Variants in SFT2D3 observed in about 807,000 individuals in gnomAD.
SFT2D3 encodes the protein vesicle transport protein SFT2C.
For synonymous variants in SFT2D3, 239 were observed against 191.2 expected, an observed-to-expected ratio of 1.25 and a Z score of -2.06; for missense variants, 405 against 334.6, an observed-to-expected ratio of 1.21 and a Z score of -1.64.
Position 127,702,903 on chromosome 2 carries a change from A to C in SFT2D3, c.*727A>C, listed in dbSNP as rs983788706. On this transcript the variant is annotated 3_prime_UTR_variant, in exon 1 of 1. Coordinates refer to ENST00000310981, the MANE Select transcript of SFT2D3 (RefSeq NM_032740.4). The stretch of plus-strand genomic sequence containing the variant: ...TCTCTTCGGAAATCCTGCAAATAGA[A>C]AGATAATTCTAGATCCGGAATACCT... The C allele has an allele frequency of 1.2e-5, 2 of 166,574 alleles. No homozygotes were observed. Among genetic ancestry groups the C allele is most frequent in the African/African-American group, 4.8e-5 (2 of 41,418 alleles). The allele number at this position is 166,574 out of a possible 1,614,324, so 10.3% of individuals were successfully genotyped here.
rs191676235 is a variant in SFT2D3, at chr2:127,703,294, T to G, written c.*1118T>G. On this transcript the variant is annotated 3_prime_UTR_variant, in exon 1 of 1. Transcript: ENST00000310981. ...GAACCTGGGAAGTAGGTCCCAGACATCAGGACCTTTTTAAAGCTCCCCAAG... is the reference window on the plus strand; with the variant it reads ...GAACCTGGGAAGTAGGTCCCAGACAGCAGGACCTTTTTAAAGCTCCCCAAG... 12 of 167,200 alleles carry G rather than the reference T, an allele frequency of 7.2e-5. 1 individual carries two copies. The Admixed American group carries it at 7.2e-4, about 10-fold the overall frequency. 10.4% of individuals were successfully genotyped at this position (167,200 alleles called of 1,614,324 possible). A position where few individuals can be genotyped will look rare whatever the true frequency, so the allele number is the denominator to read the frequency against.
Position 127,702,238 on chromosome 2 carries a change from G to T in SFT2D3, c.*62G>T. On this transcript the variant is annotated 3_prime_UTR_variant, in exon 1 of 1. Coordinates refer to ENST00000310981, the MANE Select transcript of SFT2D3 (RefSeq NM_032740.4). ...GCCAGCGCCGTCGGAGACCGCGCCGGCCGAGCTGAGGACTGCACGCCGCTG... is the reference window on the plus strand; with the variant it reads ...GCCAGCGCCGTCGGAGACCGCGCCGTCCGAGCTGAGGACTGCACGCCGCTG... The T allele has an allele frequency of 8.4e-7, 1 of 1,183,656 alleles. No homozygotes were observed. The highest frequency in any genetic ancestry group is 3.8e-5 in the East Asian group (1 of 26,590). The allele number at this position is 1,183,656 out of a possible 1,614,324, so 73.3% of individuals were successfully genotyped here. A position where few individuals can be genotyped will look rare whatever the true frequency, so the allele number is the denominator to read the frequency against.
Position 127,701,800 on chromosome 2 carries a change from T to G in SFT2D3, c.272T>G (p.Phe91Cys). The G allele has an allele frequency of 2.1e-6, 3 of 1,454,510 alleles. No individual in the cohort carries two copies. Among genetic ancestry groups the G allele is most frequent in the Non-Finnish European group, 2.7e-6 (3 of 1,107,208 alleles). The allele number at this position is 1,454,510 out of a possible 1,614,324, so 90.1% of individuals were successfully genotyped here. A position where few individuals can be genotyped will look rare whatever the true frequency, so the allele number is the denominator to read the frequency against. The change falls in exon 1 of 1, where the codon TTC (phenylalanine) becomes TGC (cysteine). Residue 91 changes from phenylalanine to cysteine, a missense_variant. By Grantham distance (205) the Phe-to-Cys change is radical. Coordinates refer to ENST00000310981, the MANE Select transcript of SFT2D3 (RefSeq NM_032740.4). ...GGCLLLAALC[F>C]GLAALYAPVL... ...TGCCTGCTGCTGGCTGCACTGTGTT[T>G]CGGCCTAGCCGCGCTCTACGCACCG...
rs751333821 is a variant in SFT2D3, at chr2:127,703,627, A to G, written c.*1451A>G. On this transcript the variant is annotated 3_prime_UTR_variant, in exon 1 of 1. Coordinates refer to ENST00000310981, the MANE Select transcript of SFT2D3 (RefSeq NM_032740.4). ...ATCAGTAAACAAGGTTACCTACCTCAGGAGGCTGCTTGTGAGAGAGCAAAT... is the reference window on the plus strand; with the variant it reads ...ATCAGTAAACAAGGTTACCTACCTCGGGAGGCTGCTTGTGAGAGAGCAAAT... 5 of 167,100 alleles carry G rather than the reference A, an allele frequency of 3.0e-5. No individual in the cohort carries two copies. Among genetic ancestry groups the G allele is most frequent in the Non-Finnish European group, 5.9e-5 (4 of 68,124 alleles). 10.4% of individuals were successfully genotyped at this position (167,100 alleles called of 1,614,324 possible). A position where few individuals can be genotyped will look rare whatever the true frequency, so the allele number is the denominator to read the frequency against.
At position 127,701,899 on chromosome 2, in the gene SFT2D3, C is replaced by A. The variant is rs147371476; in HGVS notation, c.371C>A (p.Ala124Glu). 0.035 allele frequency: 51,070 copies of A among 1,455,276 alleles called. 1,069 individuals carry two copies. The highest frequency in any genetic ancestry group is 0.066 in the Middle Eastern group (277 of 4,190). The allele number at this position is 1,455,276 out of a possible 1,614,324, so 90.1% of individuals were successfully genotyped here. Residue 124 changes from alanine (A) to glutamate (E), a missense_variant, in exon 1 of 1, where the codon GCG becomes GAG. By Grantham distance (107) the Ala-to-Glu change is moderately radical. Coordinates refer to ENST00000310981, the MANE Select transcript of SFT2D3 (RefSeq NM_032740.4). ...TCGGCGCTGGCGTTGGCGGGAAGCG[C>A]GCTGCTGCGGGGCGGCGCGGCGTGC... Reference protein sequence around the residue: ...LGSALALAGSALLRGGAACGR... With the variant: ...LGSALALAGSELLRGGAACGR...
At position 127,701,700 on chromosome 2, in the gene SFT2D3, G is replaced by C; in HGVS notation, c.172G>C (p.Ala58Pro). Residue 58 changes from alanine (A) to proline (P), a missense_variant, in exon 1 of 1, where the codon GCG (alanine) becomes CCG (proline). Coordinates refer to ENST00000310981, the MANE Select transcript of SFT2D3 (RefSeq NM_032740.4). ...GLRWTWARSP[A>P]ESAAAGLTCL... ...GCGCTGGACGTGGGCGCGGAGCCCT[G>C]CGGAGTCGGCAGCGGCCGGCCTGAC... The C allele has an allele frequency of 1.5e-6, 2 of 1,322,800 alleles. No homozygotes were observed. The highest frequency in any genetic ancestry group is 1.9e-6 in the Non-Finnish European group (2 of 1,041,408). The allele number at this position is 1,322,800 out of a possible 1,614,324, so 81.9% of individuals were successfully genotyped here.
At position 127,703,560 on chromosome 2, in the gene SFT2D3, T is replaced by C. The variant is rs2105365692; in HGVS notation, c.*1384T>C. The C allele has an allele frequency of 6.0e-6, 1 of 167,230 alleles. No individual in the cohort carries two copies. Among genetic ancestry groups the C allele is most frequent in the South Asian group, 2.1e-4 (1 of 4,824 alleles). 10.4% of individuals were successfully genotyped at this position (167,230 alleles called of 1,614,324 possible). ...ACATCCACACTGTAGGCTTGCAGGC[T>C]ACCCGCCCTGAGATTTGGTAAAGAA... is the stretch of plus-strand genomic sequence containing the variant. On this transcript the variant is annotated 3_prime_UTR_variant, in exon 1 of 1. Transcript: ENST00000310981.
chr2:127,704,286 ATC>A lies in SFT2D3; in HGVS notation c.*2112_*2113del, dbSNP rs1223163355. 6.0e-6 allele frequency: 1 copy of A among 166,850 alleles called. No homozygotes were observed. Among genetic ancestry groups the A allele is most frequent in the African/African-American group, 2.4e-5 (1 of 41,340 alleles). 10.3% of individuals were successfully genotyped at this position (166,850 alleles called of 1,614,324 possible). A position where few individuals can be genotyped will look rare whatever the true frequency, so the allele number is the denominator to read the frequency against. ...TAAATGAATTCACTCTCAAAATGTG[ATC>A]TGTCAAGTCCAGTAGAGCTTCAAGG... On this transcript the variant is annotated 3_prime_UTR_variant, in exon 1 of 1. Coordinates refer to ENST00000310981, the MANE Select transcript of SFT2D3 (RefSeq NM_032740.4).
In SFT2D3 at chr2:127,702,006, G is replaced by T; in HGVS notation, c.478G>T (p.Ala160Ser). Residue 160 changes from alanine to serine, a missense_variant, in exon 1 of 1, where the codon GCG becomes TCG. Physicochemically the swap from Ala to Ser is moderately conservative, Grantham distance 99. Transcript: ENST00000310981. ...AGCGCTGGGCGCCACGCTGTTCGCC[G>T]CGCTGGGCCTTCGCAGCACGCTGCT... ...MAALGATLFA[A>S]LGLRSTLLTV... The T allele has an allele frequency of 1.1e-5, 15 of 1,310,984 alleles. No homozygotes were observed. The highest frequency in any genetic ancestry group is 1.5e-5 in the Non-Finnish European group (15 of 1,033,150). 81.2% of individuals were successfully genotyped at this position (1,310,984 alleles called of 1,614,324 possible).
At position 127,703,007 on chromosome 2, in the gene SFT2D3, A is replaced by G. The variant is rs370070374; in HGVS notation, c.*831A>G. The G allele has an allele frequency of 6.2e-4, 104 of 167,202 alleles. 1 individual carries two copies. The South Asian group carries it at 0.015, about 24-fold the overall frequency. The allele number at this position is 167,202 out of a possible 1,614,324, so 10.4% of individuals were successfully genotyped here. A position where few individuals can be genotyped will look rare whatever the true frequency, so the allele number is the denominator to read the frequency against. On this transcript the variant is annotated 3_prime_UTR_variant, in exon 1 of 1. Coordinates refer to ENST00000310981, the MANE Select transcript of SFT2D3 (RefSeq NM_032740.4). The stretch of plus-strand genomic sequence containing the variant: ...AGCCTGCTTTGTAAACTAGTTTACA[A>G]TTTGCAGGCTGATCTTAAGATTTTT...
rs1685928494 is a variant in SFT2D3 at position 127,702,900 on chromosome 2, A to G, written c.*724A>G. 6.0e-6 allele frequency: 1 copy of G among 166,584 alleles called. No individual in the cohort carries two copies. The highest frequency in any genetic ancestry group is 2.1e-4 in the South Asian group (1 of 4,794). The allele number at this position is 166,584 out of a possible 1,614,324, so 10.3% of individuals were successfully genotyped here. A position where few individuals can be genotyped will look rare whatever the true frequency, so the allele number is the denominator to read the frequency against. ...CGGTCTCTTCGGAAATCCTGCAAAT[A>G]GAAAGATAATTCTAGATCCGGAATA... is the stretch of plus-strand genomic sequence containing the variant. On this transcript the variant is annotated 3_prime_UTR_variant, in exon 1 of 1. Coordinates refer to ENST00000310981, the MANE Select transcript of SFT2D3 (RefSeq NM_032740.4).
rs1685910655 is a variant in SFT2D3 at position 127,702,245 on chromosome 2, T to G, written c.*69T>G. 1 of 1,174,080 alleles carries G rather than the reference T, an allele frequency of 8.5e-7. No individual in the cohort carries two copies. The highest frequency in any genetic ancestry group is 4.6e-5 in the Admixed American group (1 of 21,636). 72.7% of individuals were successfully genotyped at this position (1,174,080 alleles called of 1,614,324 possible). A position where few individuals can be genotyped will look rare whatever the true frequency, so the allele number is the denominator to read the frequency against. On this transcript the variant is annotated 3_prime_UTR_variant, in exon 1 of 1. Coordinates refer to ENST00000310981, the MANE Select transcript of SFT2D3 (RefSeq NM_032740.4). ...CCGTCGGAGACCGCGCCGGCCGAGC[T>G]GAGGACTGCACGCCGCTGTGCGGAA...
At position 127,701,521 on chromosome 2, in the gene SFT2D3, TGTCCAAGA is replaced by T; in HGVS notation, c.-7_1del. ...CAGCTTTTCCTTTCTGCCACCGCCT[TGTCCAAGA>T]TGGCGGACCTCCACCGCCAGCTGCA... On this transcript the variant is annotated start_lost and 5_prime_UTR_variant, in exon 1 of 1. Coordinates refer to ENST00000310981, the MANE Select transcript of SFT2D3 (RefSeq NM_032740.4). 1.5e-6 allele frequency: 2 copies of T among 1,305,824 alleles called. No homozygotes were observed. The highest frequency in any genetic ancestry group is 2.0e-6 in the Non-Finnish European group (2 of 1,023,948). 80.9% of individuals were successfully genotyped at this position (1,305,824 alleles called of 1,614,324 possible).
At position 127,701,826 on chromosome 2, in the gene SFT2D3, G is replaced by C; in HGVS notation, c.298G>C (p.Val100Leu). The change falls in exon 1 of 1, where the codon GTG becomes CTG. Residue 100 changes from valine (V) to leucine (L), a missense_variant. Physicochemically the swap from Val to Leu is conservative, Grantham distance 32. Coordinates refer to ENST00000310981, the MANE Select transcript of SFT2D3 (RefSeq NM_032740.4). ...CGGCCTAGCCGCGCTCTACGCACCG[G>C]TGTTGCTGCTGCGCGCGCGCAAGTT... Reference protein sequence around the residue: ...CFGLAALYAPVLLLRARKFAL... With the variant: ...CFGLAALYAPLLLLRARKFAL... 1 of 1,458,138 alleles carries C rather than the reference G, an allele frequency of 6.9e-7. No individual in the cohort carries two copies. The highest frequency in any genetic ancestry group is 1.5e-5 in the African/African-American group (1 of 67,818). 90.3% of individuals were successfully genotyped at this position (1,458,138 alleles called of 1,614,324 possible). A position where few individuals can be genotyped will look rare whatever the true frequency, so the allele number is the denominator to read the frequency against.
At position 127,701,778 on chromosome 2, in the gene SFT2D3, C is replaced by T. The variant is rs1319667260; in HGVS notation, c.250C>T (p.Leu84=). Residue 84 remains leucine, a synonymous_variant, in exon 1 of 1, where the codon CTG becomes TTG. Transcript: ENST00000310981. ...GQRLAAGGGC[L]LLAALCFGLA... ...GCGGCTGGCGGCGGGCGGCGGGTGC[C>T]TGCTGCTGGCTGCACTGTGTTTCGG... is the stretch of plus-strand genomic sequence containing the variant. 3.6e-5 allele frequency: 51 copies of T among 1,434,844 alleles called. No homozygotes were observed. The highest frequency in any genetic ancestry group is 4.6e-5 in the Non-Finnish European group (50 of 1,094,790). 88.9% of individuals were successfully genotyped at this position (1,434,844 alleles called of 1,614,324 possible).
rs1432565448 is a variant in SFT2D3 at position 127,703,224 on chromosome 2, G to C, written c.*1048G>C. 6.0e-6 allele frequency: 1 copy of C among 166,996 alleles called. No homozygotes were observed. The highest frequency in any genetic ancestry group is 6.5e-5 in the Admixed American group (1 of 15,276). The allele number at this position is 166,996 out of a possible 1,614,324, so 10.3% of individuals were successfully genotyped here. On this transcript the variant is annotated 3_prime_UTR_variant, in exon 1 of 1. Transcript: ENST00000310981. ...GTGCCAGTGGTCCTCGCGCTTGACT[G>C]CACATCAGTTACTTGAAGAGCCACA...
rs1487492331 is a variant in SFT2D3, at chr2:127,703,384, AAT to A, written c.*1209_*1210del. ...GCATTGGCTTGCACAATTTGAAAGT[AAT>A]GCTTTTCCTGAGCTGGATCCCAGTG... On this transcript the variant is annotated 3_prime_UTR_variant, in exon 1 of 1. Transcript: ENST00000310981. 4 of 167,082 alleles carry A rather than the reference AAT, an allele frequency of 2.4e-5. No homozygotes were observed. Among genetic ancestry groups the A allele is most frequent in the Admixed American group, 1.3e-4 (2 of 15,286 alleles). 10.3% of individuals were successfully genotyped at this position (167,082 alleles called of 1,614,324 possible).
rs1369748908 is a variant in SFT2D3 at position 127,702,833 on chromosome 2, C to G, written c.*657C>G. The G allele has an allele frequency of 6.0e-6, 1 of 166,724 alleles. No individual in the cohort carries two copies. 10.3% of individuals were successfully genotyped at this position (166,724 alleles called of 1,614,324 possible). A position where few individuals can be genotyped will look rare whatever the true frequency, so the allele number is the denominator to read the frequency against. On this transcript the variant is annotated 3_prime_UTR_variant, in exon 1 of 1. Coordinates refer to ENST00000310981, the MANE Select transcript of SFT2D3 (RefSeq NM_032740.4). ...GACGGACCAAAAGAAATTTCCTGCC[C>G]CAAGAAGCATGGGATCCAGGAAGGG...
In SFT2D3 at chr2:127,701,554, A is replaced by C. The variant is rs777910385; in HGVS notation, c.26A>C (p.Gln9Pro). ...ATGGCGGACCTCCACCGCCAGCTGC[A>C]GGAGTACCTGGCGCAGGGGAAAGCT... is the stretch of plus-strand genomic sequence containing the variant. The part of the protein sequence containing the change: MADLHRQL[Q>P]EYLAQGKAGG... Residue 9 changes from glutamine (Q) to proline (P), a missense_variant, in exon 1 of 1, where the codon CAG (glutamine) becomes CCG (proline). Coordinates refer to ENST00000310981, the MANE Select transcript of SFT2D3 (RefSeq NM_032740.4). 5.9e-6 allele frequency: 8 copies of C among 1,365,168 alleles called. No individual in the cohort carries two copies. The highest frequency in any genetic ancestry group is 7.6e-6 in the Non-Finnish European group (8 of 1,058,018). 84.6% of individuals were successfully genotyped at this position (1,365,168 alleles called of 1,614,324 possible). A position where few individuals can be genotyped will look rare whatever the true frequency, so the allele number is the denominator to read the frequency against.
Sources: gnomAD v4.1 joint callset for allele counts on GRCh38, gnomAD v4.1.1 for gene constraint, MANE v1.5 for transcripts, NCBI Gene and HGNC (gene_info 2026-07-23, HGNC 2026-07-21) for gene names.